Variants in PARD3B observed in about 807,000 individuals in gnomAD.
PARD3B encodes par-3 family cell polarity regulator beta.
Under a neutral mutation model 130.2 loss-of-function variants are expected in PARD3B, and 103 were observed. The ratio of observed to expected loss-of-function variants is 0.79; its 90% confidence interval spans 0.67 to 0.93. The LOEUF (loss-of-function observed/expected upper bound fraction) is 0.93. Ranked by LOEUF, PARD3B falls within the 40% of genes least tolerant of loss-of-function variation. PARD3B has a pLI of 0.00. For synonymous variants in PARD3B, 583 were observed against 553.2 expected, an observed-to-expected ratio of 1.05 and a Z score of -0.76; for missense variants, 1,609 against 1,499.2, an observed-to-expected ratio of 1.07 and a Z score of -1.21.
intron 15 of PARD3B, among the ~76,000 whole-genome samples, chr2:205,235,991 G>C (rs749016372): frequency 6.6e-6 from 1 of 152,136 alleles, no homozygotes; most frequent in African/African-American, 2.4e-5. Context: ...AAAACAAGAC[G>C]TGTGAACATT....
intron 22 of PARD3B, among the ~76,000 whole-genome samples, chr2:205,557,937 C>T (rs2052965457): frequency 6.6e-6 from 1 of 152,134 alleles, no homozygotes; most frequent in Non-Finnish European, 1.5e-5. Context: ...TTCAGGGGCA[C>T]AGTTTGCCAG....
chr2:204,916,553 G>A (rs963912930), intron 2 of PARD3B, among the ~76,000 whole-genome samples: 3 of 152,072 alleles, frequency 2.0e-5, no homozygotes, highest in Non-Finnish European at 2.9e-5. Flanking sequence ...TTTTACATGA[G>A]TGCAATTACA....
At chr2:204,632,340 T>C (rs1016991231) in intron 1 of PARD3B, among the ~76,000 whole-genome samples, 2 of 152,198 alleles carry the variant, frequency 1.3e-5, no homozygotes, top group African/African-American at 4.8e-5. Flanking sequence ...GGCAGTTCTT[T>C]ACAGCAGCAT....
intron 3 of PARD3B, among the ~76,000 whole-genome samples, chr2:205,031,191 GAATTC>G (rs1485249663): frequency 3.3e-5 from 5 of 152,142 alleles, no homozygotes. Flanking sequence ...GCATATCTGA[GAATTC>G]AACCTATTTC....
chr2:205,249,901 T>C (rs2039765157), intron 16 of PARD3B, among the ~76,000 whole-genome samples: 1 of 151,700 alleles, frequency 6.6e-6, no homozygotes, highest in Admixed American at 6.6e-5. Flanking sequence ...TTTCACTAAT[T>C]GAACTCTGAC....
chr2:205,445,018 A>G (rs1022917478), intron 20 of PARD3B, among the ~76,000 whole-genome samples: 3 of 152,180 alleles, frequency 2.0e-5, no homozygotes, highest in African/African-American at 4.8e-5. Flanking sequence ...GCTCTTGGTG[A>G]CAAAGAGAGA....
At chr2:205,475,642 G>A (rs1220425995) in intron 20 of PARD3B, among the ~76,000 whole-genome samples, 1 of 152,124 alleles carries the variant, frequency 6.6e-6, no homozygotes, top group Non-Finnish European at 1.5e-5. Flanking sequence ...TATGGTGGCA[G>A]GGGGAGAGCC....
intron 2 of PARD3B, among the ~76,000 whole-genome samples, chr2:204,961,728 C>T (rs1347002210): frequency 2.0e-5 from 3 of 152,040 alleles, no homozygotes; most frequent in Admixed American, 6.6e-5. Context: ...TAAGGGTATA[C>T]CAAGAGACTG....
Position 205,300,803 on chromosome 2 carries a change from T to C in PARD3B, c.2392+67T>C, listed in dbSNP as rs1195623058. ...ATTATCTGCAAATCATGGGCAAGAATGTGTGCTCAACTACAGAAAAAAATG... is the reference window on the plus strand; with the variant it reads ...ATTATCTGCAAATCATGGGCAAGAACGTGTGCTCAACTACAGAAAAAAATG... On this transcript the variant is annotated intron_variant, in intron 17 of 22. Coordinates refer to ENST00000406610, the MANE Select transcript of PARD3B (RefSeq NM_001302769.2). This position sits in a 1 kb window ranked among gnomAD's most constrained non-coding sequence, Gnocchi z 4.1. The C allele has an allele frequency of 6.8e-7, 1 of 1,462,132 alleles. No individual in the cohort carries two copies. The highest frequency in any genetic ancestry group is 2.3e-5 in the East Asian group (1 of 43,420). The allele number at this position is 1,462,132 out of a possible 1,614,324, so 90.6% of individuals were successfully genotyped here.
At chr2:204,667,187 A>G (rs1387274483) in intron 1 of PARD3B, among the ~76,000 whole-genome samples, 1 of 152,158 alleles carries the variant, frequency 6.6e-6, no homozygotes, top group Non-Finnish European at 1.5e-5. Flanking sequence ...TTTCTCTTTG[A>G]TTAGAGTTCA....
chr2:204,943,627 A>G lies in PARD3B; in HGVS notation c.223-21525A>G, dbSNP rs1689086193. On this transcript the variant is annotated intron_variant, in intron 2 of 22. Coordinates refer to ENST00000406610, the MANE Select transcript of PARD3B (RefSeq NM_001302769.2). The surrounding 1 kb of genome is among the most constrained non-coding windows in gnomAD (Gnocchi z 4.2). ...AGATTTCTTAAGTTACCCAGTTTGG[A>G]ATTTATTTTGTTTTATTGTATTGGA... is the stretch of plus-strand genomic sequence containing the variant. Among the ~76,000 whole-genome samples the G allele has an allele frequency of 1.3e-5, 2 of 152,140 alleles. No individual in the cohort carries two copies. Among genetic ancestry groups the G allele is most frequent in the East Asian group, 3.9e-4 (2 of 5,190 alleles).
intron 1 of PARD3B, among the ~76,000 whole-genome samples, chr2:204,621,362 C>A (rs1237328560): frequency 6.6e-6 from 1 of 152,032 alleles, no homozygotes; most frequent in Non-Finnish European, 1.5e-5. Flanking sequence ...GTATTTGCTC[C>A]TACCTACCCT....
At position 205,015,149 on chromosome 2, in the gene PARD3B, T is replaced by C. The variant is rs1322898187; in HGVS notation, c.395-32432T>C. ...TGATTAACACCTATTTTGTATGTTA[T>C]ATGTATTATGTATACAATATGTATT... On this transcript the variant is annotated intron_variant, in intron 3 of 22. Coordinates refer to ENST00000406610, the MANE Select transcript of PARD3B (RefSeq NM_001302769.2). This position sits in a 1 kb window ranked among gnomAD's most constrained non-coding sequence, Gnocchi z 4.5. Among the ~76,000 whole-genome samples the C allele has an allele frequency of 1.1e-4, 16 of 152,230 alleles. No individual in the cohort carries two copies. The highest frequency in any genetic ancestry group is 2.9e-5 in the Non-Finnish European group (2 of 68,044).
At chr2:204,742,608 T>C (rs749837940) in intron 2 of PARD3B, among the ~76,000 whole-genome samples, 10 of 152,148 alleles carry the variant, frequency 6.6e-5, no homozygotes, top group Non-Finnish European at 1.0e-4. Flanking sequence ...AATGGGAAGG[T>C]TGGATCAACA....
chr2:204,899,492 GA>G (rs925959995), intron 2 of PARD3B, among the ~76,000 whole-genome samples: 6 of 151,568 alleles, frequency 4.0e-5, no homozygotes, highest in Non-Finnish European at 8.8e-5. Flanking sequence ...TACAAGCAAG[GA>G]AAAAAAACTA....
At chr2:205,092,957 C>A (rs1702196858) in intron 4 of PARD3B, among the ~76,000 whole-genome samples, 1 of 152,074 alleles carries the variant, frequency 6.6e-6, no homozygotes. Context: ...AGAAACATAA[C>A]CAGCCAGGTA....
intron 9 of PARD3B, 131 bp downstream of exon 9, chr2:205,124,597 CT>C: frequency 1.6e-6 from 1 of 640,556 alleles, no homozygotes; most frequent in Non-Finnish European, 2.1e-6. Context: ...AAAATTATTA[CT>C]TATAGACAAG....
chr2:204,708,730 A>G lies in PARD3B; in HGVS notation c.222+22448A>G, dbSNP rs1441477821. On this transcript the variant is annotated intron_variant, in intron 2 of 22. Transcript: ENST00000406610. ...AGAGTAATTTTTTATGTTAAAATGT[A>G]TCCTCAAGGGCATAGTATGTTCTTT... Among the ~76,000 whole-genome samples, 3 of 152,242 alleles carry G rather than the reference A, an allele frequency of 2.0e-5. No individual in the cohort carries two copies. In the East Asian group the frequency reaches 5.8e-4, roughly 29 times the overall value.
intron 1 of PARD3B, among the ~76,000 whole-genome samples, chr2:204,559,716 C>T (rs2031180769): frequency 6.6e-6 from 1 of 152,192 alleles, no homozygotes; most frequent in Non-Finnish European, 1.5e-5. Flanking sequence ...ATAAATCATG[C>T]TGCTATAAAG....
Sources: allele counts gnomAD v4.1 joint callset (sites outside exome capture counted in the v4.1 genomes callset), GRCh38; gene constraint gnomAD v4.1.1; non-coding constraint Gnocchi (gnomAD v3.1); transcripts MANE v1.5; gene names NCBI Gene and HGNC (gene_info 2026-07-23, HGNC 2026-07-21).